Variants in GREM2 observed in about 807,000 individuals in gnomAD.
GREM2 encodes gremlin-2.
In GREM2, 11 loss-of-function variants were observed where a neutral mutation model predicts 14.2. That is an observed-to-expected ratio of 0.78 (90% CI 0.49 to 1.28). The LOEUF is 1.28. GREM2 is among the 50% of genes most tolerant of loss of function. The pLI is 0.00. For missense variants in GREM2, 210 were observed against 218.5 expected (o/e 0.96, Z 0.24); for synonymous variants, 98 against 97.6 (o/e 1.00, Z -0.02).
At chr1:240,526,059 G>A (rs1469173987) in intron 1 of GREM2, among the ~76,000 whole-genome samples, 1 of 152,134 alleles carries the variant, frequency 6.6e-6, no homozygotes, top group Non-Finnish European at 1.5e-5. Context: ...AAGGACTCAC[G>A]TGTTTATATT....
At chr1:240,610,900 A>T (rs1213778466) in intron 1 of GREM2, among the ~76,000 whole-genome samples, 1 of 152,134 alleles carries the variant, frequency 6.6e-6, no homozygotes, top group Non-Finnish European at 1.5e-5. Context: ...TTTTTAACTG[A>T]CTTCTTGCAG....
intron 1 of GREM2, among the ~76,000 whole-genome samples, chr1:240,509,217 A>G (rs1337190350): frequency 6.6e-6 from 1 of 152,056 alleles, no homozygotes; most frequent in East Asian, 1.9e-4. Context: ...CTGCAGCTCT[A>G]TGGAGGGTCA....
In GREM2 at chr1:240,492,971, A is replaced by G; in HGVS notation, c.505T>C (p.Ter169ArgextTer62). 6.6e-7 allele frequency: 1 copy of G among 1,523,200 alleles called. No individual in the cohort carries two copies. The highest frequency in any genetic ancestry group is 8.8e-7 in the Non-Finnish European group (1 of 1,131,154). The allele number at this position is 1,523,200 out of a possible 1,614,324, so 94.4% of individuals were successfully genotyped here. ...SVNLSDSDKQ[*>R] ...CTGAGCTGCGTCCGGCCCGGCGCTC[A>G]CTGCTTGTCCGAGTCGCTCAGGTTC... The change falls in exon 2 of 2, where the codon TGA becomes CGA. Residue 169 changes from the stop codon to arginine, a stop_lost. Transcript: ENST00000318160.
rs566351456 is a variant in GREM2, at chr1:240,574,111, A to G, written c.-2+37773T>C. On this transcript the variant is annotated intron_variant, in intron 1 of 1. Transcript: ENST00000318160. ...AATTTTTTTGAATTTTAGTAGAGAC[A>G]GGGTTTCACCATGTTGGCCAGGCTG... Among the ~76,000 whole-genome samples the G allele has an allele frequency of 3.3e-5, 5 of 152,030 alleles. No individual in the cohort carries two copies. The South Asian group carries it at 1.0e-3, about 32-fold the overall frequency.
intron 1 of GREM2, among the ~76,000 whole-genome samples, chr1:240,528,986 G>A (rs1217583645): frequency 1.3e-5 from 2 of 152,020 alleles, no homozygotes; most frequent in Admixed American, 6.6e-5. Context: ...AGCCAGAGTC[G>A]CCCTAAGGTG....
At chr1:240,539,553 C>T (rs1448200895) in intron 1 of GREM2, among the ~76,000 whole-genome samples, 2 of 152,168 alleles carry the variant, frequency 1.3e-5, no homozygotes, top group Non-Finnish European at 2.9e-5. Flanking sequence ...AAAGAGATTT[C>T]TGAGTTGAAA....
chr1:240,598,374 A>G (rs1484968452), intron 1 of GREM2, among the ~76,000 whole-genome samples: 1 of 152,218 alleles, frequency 6.6e-6, no homozygotes, highest in Non-Finnish European at 1.5e-5. Flanking sequence ...AAAATGTACA[A>G]TCACTATAAA....
chr1:240,533,166 C>A (rs557332693), intron 1 of GREM2, among the ~76,000 whole-genome samples: 8 of 152,184 alleles, frequency 5.3e-5, no homozygotes, highest in Admixed American at 3.9e-4. Context: ...GAAGGGGGAT[C>A]TGGGAGTAGA....
At chr1:240,493,863 G>C (rs968626333) in intron 1 of GREM2, among the ~76,000 whole-genome samples, 2 of 152,232 alleles carry the variant, frequency 1.3e-5, no homozygotes, top group East Asian at 1.9e-4. Flanking sequence ...GTGACAGTCA[G>C]GTGGGGCATG....
intron 1 of GREM2, among the ~76,000 whole-genome samples, chr1:240,555,200 G>C (rs763921588): frequency 1.3e-5 from 2 of 152,102 alleles, no homozygotes; most frequent in Non-Finnish European, 2.9e-5. Flanking sequence ...CCATATTCTG[G>C]GAGGCCTTAT....
Position 240,555,149 on chromosome 1 carries a change from A to AG in GREM2, c.-2+56734_-2+56735insC, listed in dbSNP as rs1446681768. Among the ~76,000 whole-genome samples the AG allele has an allele frequency of 8.1e-3, 942 of 116,262 alleles. 7 individuals carry two copies. The highest frequency in any genetic ancestry group is 0.032 in the African/African-American group (897 of 27,930). 76.3% of individuals were successfully genotyped at this position (116,262 alleles called of 152,430 possible). A position where few individuals can be genotyped will look rare whatever the true frequency, so the allele number is the denominator to read the frequency against. ...AACAAGAGAGAAACTCCATCTCAAA[A>AG]AAAAGAAAGAAAGAAAGAAAGAAAG... On this transcript the variant is annotated intron_variant, in intron 1 of 1. Transcript: ENST00000318160.
In GREM2 at chr1:240,492,254, A is replaced by G; in HGVS notation, c.*715T>C. ...CAGAGTTCATCTTTAGTCCACAAAT[A>G]GGGGGCGGGGACAGTGAGGAAGAAG... On this transcript the variant is annotated 3_prime_UTR_variant, in exon 2 of 2. Transcript: ENST00000318160. 1 of 452,022 alleles carries G rather than the reference A, an allele frequency of 2.2e-6. No homozygotes were observed. The highest frequency in any genetic ancestry group is 4.5e-6 in the Non-Finnish European group (1 of 224,090). The allele number at this position is 452,022 out of a possible 1,614,324, so 28.0% of individuals were successfully genotyped here.
At chr1:240,508,927 T>G (rs1355256039) in intron 1 of GREM2, among the ~76,000 whole-genome samples, 1 of 152,206 alleles carries the variant, frequency 6.6e-6, no homozygotes, top group Non-Finnish European at 1.5e-5. Flanking sequence ...AAAATGTAAT[T>G]ATTTGGGCTC....
chr1:240,600,590 T>G (rs1481868039), intron 1 of GREM2, among the ~76,000 whole-genome samples: 2 of 152,190 alleles, frequency 1.3e-5, no homozygotes, highest in East Asian at 3.9e-4. Flanking sequence ...CTCAAGCAAT[T>G]CTCCTACCTC....
rs1044462356 is a variant in GREM2 at position 240,509,774 on chromosome 1, G to A, written c.-1-16298C>T. 5.3e-5 allele frequency among the ~76,000 whole-genome samples: 8 copies of A among 152,310 alleles called. No homozygotes were observed. The East Asian group carries it at 1.2e-3, about 22-fold the overall frequency. ...TTGAATGGGAACTTAAGAAGCGGAAGAGAATCTGTAGGCAGGCATCTGTTA... is the reference window on the plus strand; with the variant it reads ...TTGAATGGGAACTTAAGAAGCGGAAAAGAATCTGTAGGCAGGCATCTGTTA... On this transcript the variant is annotated intron_variant, in intron 1 of 1. Coordinates refer to ENST00000318160, the MANE Select transcript of GREM2 (RefSeq NM_022469.4).
intron 1 of GREM2, among the ~76,000 whole-genome samples, chr1:240,608,307 G>A (rs1680070574): frequency 6.6e-6 from 1 of 152,180 alleles, no homozygotes; most frequent in South Asian, 2.1e-4. Flanking sequence ...TTGAAATGCT[G>A]ATGAGATTTA....
intron 1 of GREM2, among the ~76,000 whole-genome samples, chr1:240,510,194 C>G (rs1034584867): frequency 6.6e-6 from 1 of 151,776 alleles, no homozygotes; most frequent in African/African-American, 2.4e-5. Flanking sequence ...ACGGTGAAAC[C>G]CCGTCTCCAC....
At chr1:240,590,925 GCA>G (rs1679698638) in intron 1 of GREM2, among the ~76,000 whole-genome samples, 10 of 151,946 alleles carry the variant, frequency 6.6e-5, no homozygotes, top group Non-Finnish European at 1.5e-4. Flanking sequence ...GGGATTACAG[GCA>G]CGCGCCTCCA....
At chr1:240,526,670 C>T (rs143727595) in intron 1 of GREM2, among the ~76,000 whole-genome samples, 128 of 152,290 alleles carry the variant, frequency 8.4e-4, no homozygotes, top group Non-Finnish European at 1.3e-3. Flanking sequence ...TCCAAATCTC[C>T]GTGCTTACGT....
Sources: gnomAD v4.1 joint callset for allele counts (sites outside exome capture counted in the v4.1 genomes callset) on GRCh38, gnomAD v4.1.1 for gene constraint, MANE v1.5 for transcripts, NCBI Gene and HGNC (gene_info 2026-07-23, HGNC 2026-07-21) for gene names.